Variants in WNT10B observed in about 807,000 individuals in gnomAD.
WNT10B encodes protein Wnt-10b.
WNT10B carries 26 observed loss-of-function variants against 32.7 expected under a neutral mutation model. The ratio of observed to expected loss-of-function variants is 0.79; its 90% CI spans 0.58 to 1.10. The LOEUF (loss-of-function observed/expected upper bound fraction) is 1.10, where lower values mean the gene tolerates loss of function less well. Ranked by LOEUF, WNT10B falls within the 50% of genes least tolerant of loss-of-function variation. WNT10B has a pLI of 0.00. For missense variants in WNT10B, 474 were observed against 532.5 expected (o/e 0.89, Z 1.08); for synonymous variants, 204 against 220.4 (o/e 0.93, Z 0.66).
intron 3 of WNT10B, chr12:48,969,227 T>C (rs1354229778): frequency 2.0e-5 from 9 of 446,084 alleles, no homozygotes; most frequent in Non-Finnish European, 4.1e-5. Context: ...AGCACCCGCT[T>C]AGAGACCAGG....
At chr12:48,969,944 T>A in intron 3 of WNT10B, 145 bp downstream of exon 3, 1 of 1,064,474 alleles carries the variant, frequency 9.4e-7, no homozygotes, top group Non-Finnish European at 1.2e-6. Context: ...CAGACCTGGC[T>A]CAGAGCGGCT....
At chr12:48,968,997 G>T (rs1228556457) in intron 3 of WNT10B, 2 of 455,548 alleles carry the variant, frequency 4.4e-6, no homozygotes, top group Non-Finnish European at 9.1e-6. Flanking sequence ...GAGAGAGGTT[G>T]GGGAGTGATT....
At position 48,966,061 on chromosome 12, in the gene WNT10B, G is replaced by A; in HGVS notation, c.*34C>T. On this transcript the variant is annotated 3_prime_UTR_variant, in exon 5 of 5. Transcript: ENST00000301061. The stretch of plus-strand genomic sequence containing the variant: ...GCTGAAAAGGCGCCCCTCTCACACA[G>A]TCCTCTTCCCCAGCCCCAAGGTAAG... 2 of 1,611,790 alleles carry A rather than the reference G, an allele frequency of 1.2e-6. No homozygotes were observed. The highest frequency in any genetic ancestry group is 2.2e-5 in the East Asian group (1 of 44,868).
In WNT10B at chr12:48,966,202, C is replaced by T. The variant is rs576246166; in HGVS notation, c.1063G>A (p.Val355Met). 1.1e-5 allele frequency: 18 copies of T among 1,613,888 alleles called. No individual in the cohort carries two copies. In the Admixed American group the frequency reaches 1.5e-4, roughly 13 times the overall value. ...CGCTCAACTCGTGTCTGCCGGAGCA[C>T]GTTGTGCCCACGGCCACAGCACAGG... Reference protein sequence around the residue: ...GSLCCGRGHNVLRQTRVERCH... With the variant: ...GSLCCGRGHNMLRQTRVERCH... The change falls in exon 5 of 5, where the codon GTG becomes ATG. Residue 355 changes from valine (V) to methionine (M), a missense_variant. Physicochemically the swap from Val to Met is conservative, Grantham distance 21. Coordinates refer to ENST00000301061, the MANE Select transcript of WNT10B (RefSeq NM_003394.4).
Position 48,970,718 on chromosome 12 carries a change from T to A in WNT10B, c.-40-149A>T. 1 of 638,396 alleles carries A rather than the reference T, an allele frequency of 1.6e-6. No homozygotes were observed. Among genetic ancestry groups the A allele is most frequent in the Non-Finnish European group, 2.7e-6 (1 of 364,290 alleles). 39.5% of individuals were successfully genotyped at this position (638,396 alleles called of 1,614,324 possible). A position where few individuals can be genotyped will look rare whatever the true frequency, so the allele number is the denominator to read the frequency against. On this transcript the variant is annotated intron_variant, in intron 1 of 4. Transcript: ENST00000301061. The surrounding 1 kb of genome is among the most constrained non-coding windows in gnomAD (Gnocchi z 5.0). ...CAAACAAAACAAGAAGAAACACCCC[T>A]TGATTCCCAGAGTCCCTGAGGCTTG...
At position 48,968,046 on chromosome 12, in the gene WNT10B, T is replaced by A; in HGVS notation, c.611A>T (p.Asp204Val). Residue 204 changes from aspartate (D) to valine (V), a missense_variant, in exon 4 of 5, where the codon GAC becomes GTC. Asp to Val is a radical substitution (Grantham distance 152). Transcript: ENST00000301061. ...ATCCCGAGAGAACTTCTCTCCAAAG[T>A]CCATGTCATGGTTACAGCCACCCCA... ...WEWGGCNHDMDFGEKFSRDFL... is the reference protein window; with the variant it reads ...WEWGGCNHDMVFGEKFSRDFL... 2.5e-6 allele frequency: 4 copies of A among 1,614,206 alleles called. No homozygotes were observed. The highest frequency in any genetic ancestry group is 3.4e-6 in the Non-Finnish European group (4 of 1,180,028).
Position 48,966,074 on chromosome 12 carries a change from G to T in WNT10B, c.*21C>A. On this transcript the variant is annotated 3_prime_UTR_variant, in exon 5 of 5. Coordinates refer to ENST00000301061, the MANE Select transcript of WNT10B (RefSeq NM_003394.4). Reference sequence around the variant, plus strand: ...CCCTCTCACACAGTCCTCTTCCCCAGCCCCAAGGTAAGGCTGACCCTCACT... The same window carrying T: ...CCCTCTCACACAGTCCTCTTCCCCATCCCCAAGGTAAGGCTGACCCTCACT... The T allele has an allele frequency of 6.2e-7, 1 of 1,613,146 alleles. No homozygotes were observed. Among genetic ancestry groups the T allele is most frequent in the Middle Eastern group, 1.6e-4 (1 of 6,062 alleles).
At position 48,970,325 on chromosome 12, in the gene WNT10B, A is replaced by AG. The variant is rs753550944; in HGVS notation, c.100dup (p.Leu34ProfsTer65). ...CAGCGGCGGCTCGCCAGGCAACTTC[A>AG]GGCCCAGAATCTCATTGCTTAGAGC... is the stretch of plus-strand genomic sequence containing the variant. On this transcript the variant is annotated frameshift_variant, in exon 3 of 5. Transcript: ENST00000301061. LOFTEE classifies it high-confidence loss of function. This position sits in a 1 kb window ranked among gnomAD's most constrained non-coding sequence, Gnocchi z 5.0. 6.2e-7 allele frequency: 1 copy of AG among 1,614,002 alleles called. No homozygotes were observed. Among genetic ancestry groups the AG allele is most frequent in the Non-Finnish European group, 8.5e-7 (1 of 1,179,956 alleles).
At chr12:48,968,350 T>C in intron 3 of WNT10B, 31 bp from the exon 4 acceptor site, 1 of 1,599,652 alleles carries the variant, frequency 6.3e-7, no homozygotes, top group Non-Finnish European at 8.5e-7. Flanking sequence ...ATGGTGGAGG[T>C]AAGGTTGACA....
chr12:48,966,509 T>C lies in WNT10B; in HGVS notation c.756A>G (p.Thr252=), dbSNP rs2137611202. The C allele has an allele frequency of 1.2e-6, 2 of 1,614,004 alleles. No individual in the cohort carries two copies. The highest frequency in any genetic ancestry group is 4.5e-5 in the East Asian group (2 of 44,880). Residue 252 remains threonine, a synonymous_variant, in exon 5 of 5, where the codon ACA becomes ACG. Transcript: ENST00000301061. The part of the protein sequence containing the change: ...NLKRKCKCHG[T]SGSCQFKTCW... ...ATGTCTTGAACTGGCAGCTGCCTGATGTGCCATGACACTTGCATTTCCGCT... is the reference window on the plus strand; with the variant it reads ...ATGTCTTGAACTGGCAGCTGCCTGACGTGCCATGACACTTGCATTTCCGCT...
chr12:48,969,938 C>A (rs1485937853), intron 3 of WNT10B, 151 bp downstream of exon 3: 4 of 1,037,118 alleles, frequency 3.9e-6, no homozygotes, highest in Non-Finnish European at 5.2e-6. Flanking sequence ...AGTGGCCAGA[C>A]CTGGCTCAGA....
At position 48,965,377 on chromosome 12, in the gene WNT10B, C is replaced by G. The variant is rs1210699512; in HGVS notation, c.*718G>C. ...ATTTATTTTAGTTTCAAACAGGAAC[C>G]AAGAACAAGTCTCAGTATGATAAAT... On this transcript the variant is annotated 3_prime_UTR_variant, in exon 5 of 5. Transcript: ENST00000301061. 1 of 152,616 alleles carries G rather than the reference C, an allele frequency of 6.6e-6. No individual in the cohort carries two copies. Among genetic ancestry groups the G allele is most frequent in the African/African-American group, 2.4e-5 (1 of 41,448 alleles). The allele number at this position is 152,616 out of a possible 1,614,324, so 9.5% of individuals were successfully genotyped here. A position where few individuals can be genotyped will look rare whatever the true frequency, so the allele number is the denominator to read the frequency against.
chr12:48,968,085 TG>T lies in WNT10B; in HGVS notation c.571del (p.Gln191ArgfsTer49), dbSNP rs748123942. 5 of 1,614,246 alleles carry T rather than the reference TG, an allele frequency of 3.1e-6. No homozygotes were observed. In the East Asian group the frequency reaches 8.9e-5, roughly 29 times the overall value. On this transcript the variant is annotated frameshift_variant, in exon 4 of 5. Transcript: ENST00000301061. LOFTEE classifies it high-confidence loss of function. The part of the protein sequence containing the change: ...GPGSSPSPGP[Q>X]DTWEWGGCNH... ...ACAGCCACCCCATTCCCATGTGTCC[TG>T]GGGGCCAGGGCTGGGGCTTGAGCCA...
chr12:48,971,046 G>T (rs1297828670), intron 1 of WNT10B, among the ~76,000 whole-genome samples: 1 of 152,164 alleles, frequency 6.6e-6, no homozygotes, highest in Admixed American at 6.5e-5. Flanking sequence ...CATGAGAAAG[G>T]TCTAAGAATG....
chr12:48,967,940 A>G lies in WNT10B; in HGVS notation c.711+6T>C, dbSNP rs1940768092. ...GGGAGACCCAGGACAAGATGTACAC[A>G]CATACCTGGCGCCCCACCCTGTTGT... On this transcript the variant is annotated splice_donor_region_variant and intron_variant, in intron 4 of 4. Coordinates refer to ENST00000301061, the MANE Select transcript of WNT10B (RefSeq NM_003394.4). 1 of 1,614,012 alleles carries G rather than the reference A, an allele frequency of 6.2e-7. No individual in the cohort carries two copies.
chr12:48,967,095 A>C (rs1374720928), intron 4 of WNT10B, among the ~76,000 whole-genome samples: 1 of 150,980 alleles, frequency 6.6e-6, no homozygotes, highest in African/African-American at 2.4e-5. Context: ...GGTTCAAGCG[A>C]TTCTCCTGCC....
chr12:48,970,104 CG>C lies in WNT10B; in HGVS notation c.321del (p.Ser107ArgfsTer26). 1 of 1,529,164 alleles carries C rather than the reference CG, an allele frequency of 6.5e-7. No individual in the cohort carries two copies. The highest frequency in any genetic ancestry group is 8.8e-7 in the Non-Finnish European group (1 of 1,141,410). 94.7% of individuals were successfully genotyped at this position (1,529,164 alleles called of 1,614,324 possible). A position where few individuals can be genotyped will look rare whatever the true frequency, so the allele number is the denominator to read the frequency against. On this transcript the variant is annotated frameshift_variant, in exon 3 of 5. Coordinates refer to ENST00000301061, the MANE Select transcript of WNT10B (RefSeq NM_003394.4). LOFTEE classifies it high-confidence loss of function. This position sits in a 1 kb window ranked among gnomAD's most constrained non-coding sequence, Gnocchi z 5.0. Reference protein sequence around the residue: ...LEGGGRLPHHSAILKRGFRES... With the variant: ...LEGGGRLPHHXAILKRGFRES... ...CCAGGCTCACCGCGCTTGAGGATGG[CG>C]CTGTGGTGCGGCAGGCGGCCGCCGC... is the stretch of plus-strand genomic sequence containing the variant.
rs752217449 is a variant in WNT10B at position 48,970,231 on chromosome 12, G to C, written c.195C>G (p.Asn65Lys). Residue 65 changes from asparagine to lysine, a missense_variant, in exon 3 of 5, where the codon AAC becomes AAG. Transcript: ENST00000301061. The surrounding 1 kb of genome is among the most constrained non-coding windows in gnomAD (Gnocchi z 5.0). ...SKRQLGLCLR[N>K]PDVTASALQG... Reference sequence around the variant, plus strand: ...GAAGCGCGGACGCCGTCACGTCGGGGTTGCGCAGGCACAGGCCTAGCTGCC... The same window carrying C: ...GAAGCGCGGACGCCGTCACGTCGGGCTTGCGCAGGCACAGGCCTAGCTGCC... The C allele has an allele frequency of 2.5e-6, 4 of 1,608,150 alleles. No homozygotes were observed. In the South Asian group the frequency reaches 3.3e-5, roughly 13 times the overall value.
intron 3 of WNT10B, among the ~76,000 whole-genome samples, chr12:48,968,598 G>C (rs970431368): frequency 3.9e-5 from 6 of 152,126 alleles, no homozygotes; most frequent in African/African-American, 1.4e-4. Flanking sequence ...GTGATTTTCA[G>C]GTGTAGATGA....
Sources: allele counts gnomAD v4.1 joint callset (sites outside exome capture counted in the v4.1 genomes callset), GRCh38; gene constraint gnomAD v4.1.1; non-coding constraint Gnocchi (gnomAD v3.1); transcripts MANE v1.5; gene names NCBI Gene and HGNC (gene_info 2026-07-23, HGNC 2026-07-21).